USP25: variants seen among roughly 807,000 people sequenced by gnomAD.
USP25 encodes ubiquitin carboxyl-terminal hydrolase 25.
USP25 carries 85 observed loss-of-function variants against 158.5 expected under a neutral mutation model. That is an observed-to-expected ratio of 0.54 (90% CI 0.45 to 0.64). The LOEUF (loss-of-function observed/expected upper bound fraction) is 0.64, where lower values mean the gene tolerates loss of function less well. Ranked by LOEUF, USP25 falls within the 30% of genes least tolerant of loss-of-function variation. The pLI, the probability that USP25 is intolerant of heterozygous loss-of-function variation, is 0.00. For synonymous variants in USP25, 464 were observed against 460.4 expected, an observed-to-expected ratio of 1.01 and a Z score of -0.10; for missense variants, 1,242 against 1,327.3, an observed-to-expected ratio of 0.94 and a Z score of 1.00.
chr21:15,782,895 G>A (rs1014613924), intron 4 of USP25, among the ~76,000 whole-genome samples: 2 of 152,118 alleles, frequency 1.3e-5, no homozygotes, highest in African/African-American at 2.4e-5. Flanking sequence ...TGCATCTTTA[G>A]TAATGGAATC....
At chr21:15,874,572 T>C in intron 24 of USP25, 46 bp downstream of exon 24, 1 of 1,531,218 alleles carries the variant, frequency 6.5e-7, no homozygotes, top group Non-Finnish European at 8.8e-7. Flanking sequence ...TGTCTGACAT[T>C]GGGCAAGTTT....
chr21:15,821,205 G>A (rs921196531), intron 10 of USP25, among the ~76,000 whole-genome samples: 11 of 151,808 alleles, frequency 7.2e-5, no homozygotes, highest in South Asian at 2.1e-4. Flanking sequence ...TGTCCACACT[G>A]CCCCGAAAGT....
At chr21:15,753,445 G>A (rs146481454) in intron 1 of USP25, among the ~76,000 whole-genome samples, 1 of 152,280 alleles carries the variant, frequency 6.6e-6, no homozygotes, top group African/African-American at 2.4e-5. Context: ...CTCCTTGTCT[G>A]CTTACACATT....
At chr21:15,872,271 A>G (rs2146596147) in intron 23 of USP25, among the ~76,000 whole-genome samples, 2 of 152,270 alleles carry the variant, frequency 1.3e-5, no homozygotes. Flanking sequence ...AGATAAGAAT[A>G]TGGTAATTGG....
chr21:15,731,572 A>G (rs1298217492), intron 1 of USP25, among the ~76,000 whole-genome samples: 1 of 152,204 alleles, frequency 6.6e-6, no homozygotes, highest in Non-Finnish European at 1.5e-5. Flanking sequence ...TTAGAATTTT[A>G]TGATACTGCT....
intron 22 of USP25, 131 bp from the exon 23 acceptor site, chr21:15,869,937 G>A (rs1300288769): frequency 8.9e-6 from 5 of 560,084 alleles, no homozygotes; most frequent in East Asian, 6.4e-5. Context: ...TAGTTCTGAT[G>A]TATCTTCATT....
intron 22 of USP25, among the ~76,000 whole-genome samples, chr21:15,866,985 T>C (rs2146571121): frequency 6.6e-6 from 1 of 152,244 alleles, no homozygotes; most frequent in East Asian, 1.9e-4. Flanking sequence ...TCATCAGATA[T>C]ATTTTGGGGA....
intron 1 of USP25, among the ~76,000 whole-genome samples, chr21:15,737,661 AT>A (rs990590969): frequency 6.6e-6 from 1 of 151,980 alleles, no homozygotes; most frequent in African/African-American, 2.4e-5. Context: ...AGTCGTCTGT[AT>A]TTTTAACCAA....
chr21:15,826,279 A>C lies in USP25; in HGVS notation c.1380A>C (p.Ser460=). 1 of 1,614,098 alleles carries C rather than the reference A, an allele frequency of 6.2e-7. No homozygotes were observed. Among genetic ancestry groups the C allele is most frequent in the Non-Finnish European group, 8.5e-7 (1 of 1,179,968 alleles). The change falls in exon 13 of 26, where the codon TCA becomes TCC. Residue 460 remains serine (S), a synonymous_variant. Coordinates refer to ENST00000400183, the MANE Select transcript of USP25 (RefSeq NM_001283041.3). The surrounding 1 kb of genome is among the most constrained non-coding windows in gnomAD (Gnocchi z 4.8). The part of the protein sequence containing the change: ...DVLQYALEFA[S]SKPVCTSPVD... Reference sequence around the variant, plus strand: ...TTCAGTATGCATTGGAATTTGCCTCAAGTAAACCTGTTTGCACTTCTCCTG... The same window carrying C: ...TTCAGTATGCATTGGAATTTGCCTCCAGTAAACCTGTTTGCACTTCTCCTG...
intron 1 of USP25, among the ~76,000 whole-genome samples, chr21:15,734,200 A>G (rs1286866753): frequency 6.6e-6 from 1 of 152,226 alleles, no homozygotes; most frequent in Admixed American, 6.5e-5. Context: ...GATGAGGGTT[A>G]GGTGGGAAGG....
chr21:15,775,890 A>G (rs2034629073), intron 3 of USP25, among the ~76,000 whole-genome samples: 2 of 151,844 alleles, frequency 1.3e-5, no homozygotes, highest in African/African-American at 4.8e-5. Context: ...TAGTTTCTAT[A>G]ATTGAAGAAA....
chr21:15,829,610 A>G (rs2037699293), intron 14 of USP25, among the ~76,000 whole-genome samples: 1 of 152,076 alleles, frequency 6.6e-6, no homozygotes, highest in Non-Finnish European at 1.5e-5. Flanking sequence ...CTTGTTTGTG[A>G]CATTTGCCCA....
At chr21:15,808,275 G>A (rs1419359763) in intron 7 of USP25, among the ~76,000 whole-genome samples, 1 of 152,122 alleles carries the variant, frequency 6.6e-6, no homozygotes, top group Admixed American at 6.6e-5. Flanking sequence ...AAGACCAAAG[G>A]CATGGTGAAA....
chr21:15,805,520 G>A, intron 7 of USP25: 1 of 250,574 alleles, frequency 4.0e-6, no homozygotes, highest in East Asian at 7.6e-5. Flanking sequence ...AATTAAACAT[G>A]TTCACAAATG....
At chr21:15,752,825 G>A (rs1249652373) in intron 1 of USP25, among the ~76,000 whole-genome samples, 3 of 152,116 alleles carry the variant, frequency 2.0e-5, no homozygotes, top group Non-Finnish European at 2.9e-5. Context: ...TGCCCATAGA[G>A]GTATATGAGT....
intron 3 of USP25, among the ~76,000 whole-genome samples, chr21:15,767,598 A>G (rs1362141738): frequency 6.6e-6 from 1 of 152,110 alleles, no homozygotes; most frequent in African/African-American, 2.4e-5. Context: ...GAAGTGGTAT[A>G]AAGGTCAGAA....
intron 6 of USP25, among the ~76,000 whole-genome samples, chr21:15,803,816 GT>G (rs2036246196): frequency 6.6e-6 from 1 of 151,788 alleles, no homozygotes; most frequent in Non-Finnish European, 1.5e-5. Flanking sequence ...TTTGGAACCA[GT>G]TTTATTCCCT....
chr21:15,864,548 G>T, intron 21 of USP25, 102 bp downstream of exon 21: 1 of 1,057,926 alleles, frequency 9.5e-7, no homozygotes. Context: ...ATATGCATGG[G>T]CACATATTTT....
Position 15,805,267 on chromosome 21 carries a change from G to GT in USP25, c.780+11dup. The GT allele has an allele frequency of 6.3e-7, 1 of 1,584,978 alleles. No homozygotes were observed. Among genetic ancestry groups the GT allele is most frequent in the African/African-American group, 1.4e-5 (1 of 73,210 alleles). On this transcript the variant is annotated intron_variant, in intron 7 of 25. Transcript: ENST00000400183. ...CAAATGACTCACAGCAGGTAGTTCT[G>GT]TTGCACTGACTTGTTCATTAACCAT...
Sources: allele counts gnomAD v4.1 joint callset (sites outside exome capture counted in the v4.1 genomes callset), GRCh38; gene constraint gnomAD v4.1.1; non-coding constraint Gnocchi (gnomAD v3.1); transcripts MANE v1.5; gene names NCBI Gene and HGNC (gene_info 2026-07-23, HGNC 2026-07-21).